MYO9B: variants seen among roughly 807,000 people sequenced by gnomAD.
MYO9B encodes myosin IXB, also known as unconventional myosin-IXb.
In MYO9B, 71 loss-of-function variants were observed where a neutral mutation model predicts 229.5. That is an observed-to-expected ratio of 0.31 (90% CI 0.26 to 0.38). The LOEUF (loss-of-function observed/expected upper bound fraction) is 0.38, where lower values mean the gene tolerates loss of function less well. Ranked by LOEUF, MYO9B falls within the 10% of genes least tolerant of loss-of-function variation. The pLI is 1.00. For missense variants in MYO9B, 2,255 were observed against 2,920.5 expected, an observed-to-expected ratio of 0.77 and a Z score of 5.25; for synonymous variants, 1,185 against 1,235.8, an observed-to-expected ratio of 0.96 and a Z score of 0.86.
Position 17,181,337 on chromosome 19 carries a change from G to C in MYO9B, c.2333+297G>C, listed in dbSNP as rs538619271. On this transcript the variant is annotated intron_variant, in intron 15 of 39. Transcript: ENST00000682292. Reference sequence around the variant, plus strand: ...ACGTGCCATCCTCCGTCTCCTCCCCGTGCCTATCTGGCTTGCAGAGCAAAG... The same window carrying C: ...ACGTGCCATCCTCCGTCTCCTCCCCCTGCCTATCTGGCTTGCAGAGCAAAG... Among the ~76,000 whole-genome samples, 3 of 152,200 alleles carry C rather than the reference G, an allele frequency of 2.0e-5. No individual in the cohort carries two copies. In the East Asian group the frequency reaches 5.8e-4, roughly 29 times the overall value.
intron 2 of MYO9B, among the ~76,000 whole-genome samples, chr19:17,136,919 C>T (rs1189239364): frequency 1.3e-5 from 2 of 152,036 alleles, no homozygotes; most frequent in Non-Finnish European, 2.9e-5. Flanking sequence ...CAGTAAGATT[C>T]GTGTCGACAA....
intron 1 of MYO9B, among the ~76,000 whole-genome samples, chr19:17,088,825 G>A (rs966761800): frequency 2.0e-5 from 3 of 152,004 alleles, no homozygotes; most frequent in Non-Finnish European, 2.9e-5. Context: ...TGAGTACCTG[G>A]GACCACAGGT....
rs574564831 is a variant in MYO9B, at chr19:17,099,876, G to A, written c.-58-1784G>A. On this transcript the variant is annotated intron_variant, in intron 1 of 39. Transcript: ENST00000682292. ...CTCATGTCTGTAATCCCAGCACTTT[G>A]GGAGGCCGAGGAGGATGGATCACCT... 2.6e-5 allele frequency among the ~76,000 whole-genome samples: 4 copies of A among 151,700 alleles called. No homozygotes were observed. The East Asian group carries it at 7.7e-4, about 29-fold the overall frequency.
chr19:17,110,107 T>C (rs950714344), intron 2 of MYO9B, among the ~76,000 whole-genome samples: 5 of 152,046 alleles, frequency 3.3e-5, no homozygotes, highest in African/African-American at 1.2e-4. Context: ...CGATTGGGGA[T>C]TTTTTCTCAG....
chr19:17,092,643 T>C (rs1260937642), intron 1 of MYO9B, among the ~76,000 whole-genome samples: 1 of 149,952 alleles, frequency 6.7e-6, no homozygotes, highest in Non-Finnish European at 1.5e-5. Context: ...GAGAATCTCT[T>C]GAACCCAGTA....
intron 36 of MYO9B, among the ~76,000 whole-genome samples, chr19:17,210,103 G>T (rs1168755252): frequency 6.6e-6 from 1 of 152,154 alleles, no homozygotes; most frequent in African/African-American, 2.4e-5. Flanking sequence ...GGTGGTTCAG[G>T]TCATGCGTCC....
At chr19:17,206,885 T>C (rs2073168285) in intron 34 of MYO9B, 101 bp downstream of exon 34, 1 of 1,292,610 alleles carries the variant, frequency 7.7e-7, no homozygotes, top group Non-Finnish European at 1.1e-6. Context: ...CTGTGGTGGT[T>C]TCGAACCAGG....
chr19:17,139,047 C>T (rs1385727891), intron 2 of MYO9B, among the ~76,000 whole-genome samples: 1 of 152,078 alleles, frequency 6.6e-6, no homozygotes. Context: ...CATGGTGGCT[C>T]GCGCCTGTAG....
chr19:17,203,441 C>T (rs955829043), intron 30 of MYO9B, among the ~76,000 whole-genome samples, 183 bp downstream of exon 30: 40 of 152,104 alleles, frequency 2.6e-4, no homozygotes, highest in African/African-American at 9.2e-4. Context: ...GGTGAAACCT[C>T]ATCACTACTA....
intron 11 of MYO9B, among the ~76,000 whole-genome samples, chr19:17,170,523 G>A (rs1181499880): frequency 6.6e-6 from 1 of 151,580 alleles, no homozygotes; most frequent in African/African-American, 2.4e-5. Context: ...TCAGATAAGA[G>A]CATTTGTGCC....
chr19:17,194,775 T>C lies in MYO9B; in HGVS notation c.3348T>C (p.Pro1116=). 1 of 1,613,206 alleles carries C rather than the reference T, an allele frequency of 6.2e-7. No homozygotes were observed. Among genetic ancestry groups the C allele is most frequent in the Non-Finnish European group, 8.5e-7 (1 of 1,179,846 alleles). Residue 1116 remains proline (P), a synonymous_variant, in exon 22 of 40, where the codon CCT becomes CCC. Transcript: ENST00000682292. ...GGTCCCCCCTAGAGCACTCCTCACC[T>C]GAGAAGGAGGCCCCAAGCCCAGAGA... is the stretch of plus-strand genomic sequence containing the variant. ...SDRSPLEHSS[P]EKEAPSPEKT... is the part of the protein sequence containing the mutation.
rs1379411622 is a variant in MYO9B, at chr19:17,192,884, G to A, written c.2950G>A (p.Val984Ile). ...CTTCCTGCAGATGAAGCGGGCCGCC[G>A]TCACCATCCAGGCCTGCTGGCGGTC... ...RHFLQMKRAA[V>I]TIQACWRSYR... Residue 984 changes from valine (V) to isoleucine (I), a missense_variant, in exon 21 of 40, where the codon GTC becomes ATC. Physicochemically the swap from Val to Ile is conservative, Grantham distance 29. Transcript: ENST00000682292. The A allele has an allele frequency of 2.9e-5, 45 of 1,550,442 alleles. No individual in the cohort carries two copies. The South Asian group carries it at 4.0e-4, about 14-fold the overall frequency.
chr19:17,202,166 G>A lies in MYO9B; in HGVS notation c.4699G>A (p.Glu1567Lys). 1 of 1,613,858 alleles carries A rather than the reference G, an allele frequency of 6.2e-7. No homozygotes were observed. The highest frequency in any genetic ancestry group is 8.5e-7 in the Non-Finnish European group (1 of 1,179,834). Residue 1567 changes from glutamate (E) to lysine (K), a missense_variant, in exon 28 of 40, where the codon GAG (glutamate) becomes AAG (lysine). Glu to Lys is a moderately conservative substitution (Grantham distance 56). Around this residue, in one of 7 missense-constraint regions of MYO9B, gnomAD observed 416 missense variants for 605.5 expected, o/e 0.69. Transcript: ENST00000682292. ...CCACGTGGGCTACAAGGATCTGATG[G>A]AGAACTACCAGATCGTCGTCAGCAA... ...KIHVGYKDLM[E>K]NYQIVVSNLA...
Position 17,100,708 on chromosome 19 carries a change from G to A in MYO9B, c.-58-952G>A, listed in dbSNP as rs189728306. Among the ~76,000 whole-genome samples, 393 of 152,208 alleles carry A rather than the reference G, an allele frequency of 2.6e-3. 4 individuals carry two copies. The highest frequency in any genetic ancestry group is 9.2e-3 in the African/African-American group (384 of 41,540). The stretch of plus-strand genomic sequence containing the variant: ...TCTTGGGACCACCAGCCATATTCCT[G>A]CAGGATGCCCCCAGCCTGGGCCTGC... On this transcript the variant is annotated intron_variant, in intron 1 of 39. Coordinates refer to ENST00000682292, the MANE Select transcript of MYO9B (RefSeq NM_004145.4).
intron 17 of MYO9B, among the ~76,000 whole-genome samples, chr19:17,185,555 AAAAAC>A (rs1555702431): frequency 8.0e-5 from 12 of 150,514 alleles, no homozygotes; most frequent in South Asian, 4.2e-4. Flanking sequence ...TCAAAAAAAA[AAAAAC>A]AAAACAAAAC....
intron 2 of MYO9B, among the ~76,000 whole-genome samples, chr19:17,134,344 AT>A (rs910360290): frequency 7.0e-6 from 1 of 142,426 alleles, no homozygotes; most frequent in Non-Finnish European, 1.5e-5. Flanking sequence ...GTTGTTGCAA[AT>A]GACAGGATCT....
At chr19:17,199,471 C>CT (rs200833141) in intron 24 of MYO9B, among the ~76,000 whole-genome samples, 1,786 of 152,070 alleles carry the variant, frequency 0.012, 21 homozygotes, top group South Asian at 0.039. Flanking sequence ...AAAGAAAGGG[C>CT]TATTGCTCTT....
chr19:17,090,689 G>A (rs2057629314), intron 1 of MYO9B, among the ~76,000 whole-genome samples: 1 of 152,094 alleles, frequency 6.6e-6, no homozygotes, highest in Non-Finnish European at 1.5e-5. Context: ...TTGTCTGTGC[G>A]TGGGATGGTC....
intron 1 of MYO9B, among the ~76,000 whole-genome samples, chr19:17,089,347 A>G (rs2057615023): frequency 6.6e-6 from 1 of 152,158 alleles, no homozygotes; most frequent in African/African-American, 2.4e-5. Context: ...TGCACGATGC[A>G]TCCTAAATGA....
Sources: allele counts gnomAD v4.1 joint callset (sites outside exome capture counted in the v4.1 genomes callset), GRCh38; gene constraint gnomAD v4.1.1; regional missense constraint gnomAD v4.1.1; transcripts MANE v1.5; gene names NCBI Gene and HGNC (gene_info 2026-07-23, HGNC 2026-07-21).